SOX5: variants seen among roughly 807,000 people sequenced by gnomAD.
SOX5 encodes SRY-box transcription factor 5.
A neutral mutation model predicts 92.0 loss-of-function variants in SOX5; 9 were observed. The observed-to-expected ratio is 0.10, with a 90% CI of 0.06 to 0.17. The LOEUF (loss-of-function observed/expected upper bound fraction) is 0.17, where lower values mean the gene tolerates loss of function less well. Ranked by LOEUF, SOX5 falls within the 10% of genes least tolerant of loss-of-function variation. The pLI is 1.00. For synonymous variants in SOX5, 344 were observed against 336.3 expected (o/e 1.02, Z -0.25); for missense variants, 642 against 944.5 (o/e 0.68, Z 4.20).
At chr12:23,878,960 T>C (rs1283839010) in intron 2 of SOX5, among the ~76,000 whole-genome samples, 1 of 152,172 alleles carries the variant, frequency 6.6e-6, no homozygotes, top group Non-Finnish European at 1.5e-5. Context: ...TAGGGGGTAG[T>C]AGTGAAGTTT....
At chr12:24,011,699 G>A (rs1952959034) in intron 4 of SOX5, among the ~76,000 whole-genome samples, 1 of 152,078 alleles carries the variant, frequency 6.6e-6, no homozygotes, top group African/African-American at 2.4e-5. Flanking sequence ...GGAGACACAG[G>A]TTAACGGCGA....
intron 1 of SOX5, among the ~76,000 whole-genome samples, chr12:24,537,981 T>C (rs1454295850): frequency 6.6e-6 from 1 of 152,166 alleles, no homozygotes; most frequent in Admixed American, 6.5e-5. Flanking sequence ...TATTCTGAAG[T>C]TTTCGATGTA....
rs766043947 is a variant in SOX5, at chr12:23,895,978, C to G, written c.85G>C (p.Glu29Gln). ...PASPYGEADG[E>Q]VAMVTSRQKV... ...TGTCTGCTTGTCACCATGGCTACCT[C>G]TCCATCTGCTTCCCCATACGGAGAG... The change falls in exon 2 of 15, where the codon GAG becomes CAG. Residue 29 changes from glutamate to glutamine, a missense_variant. Around this residue, in one of 8 missense-constraint regions of SOX5, gnomAD observed 113 missense variants for 117.7 expected, o/e 0.96. Coordinates refer to ENST00000451604, the MANE Select transcript of SOX5 (RefSeq NM_006940.6). 1 of 1,614,132 alleles carries G rather than the reference C, an allele frequency of 6.2e-7. No individual in the cohort carries two copies. The highest frequency in any genetic ancestry group is 8.5e-7 in the Non-Finnish European group (1 of 1,179,992).
intron 2 of SOX5, among the ~76,000 whole-genome samples, chr12:24,281,249 A>AAC (rs1945161573): frequency 6.6e-6 from 1 of 151,742 alleles, no homozygotes; most frequent in African/African-American, 2.4e-5. Context: ...AAAAAAAAAA[A>AAC]AAAAAAAACT....
chr12:24,327,178 T>C (rs182383500), intron 2 of SOX5, among the ~76,000 whole-genome samples: 1 of 152,294 alleles, frequency 6.6e-6, no homozygotes, highest in East Asian at 1.9e-4. Context: ...TGCTCAGAAC[T>C]CATTTTCTGT....
At chr12:24,363,923 C>G (rs1955873128) in intron 2 of SOX5, among the ~76,000 whole-genome samples, 1 of 152,096 alleles carries the variant, frequency 6.6e-6, no homozygotes, top group Non-Finnish European at 1.5e-5. Context: ...TATTTCCTTC[C>G]CAGGAAAGAA....
At chr12:24,032,258 T>A (rs1955587949) in intron 4 of SOX5, among the ~76,000 whole-genome samples, 1 of 151,602 alleles carries the variant, frequency 6.6e-6, no homozygotes, top group East Asian at 1.9e-4. Context: ...AAGAATAACA[T>A]AAGCCATGGT....
At chr12:24,264,230 T>TTTG (rs1942685027) in intron 3 of SOX5, among the ~76,000 whole-genome samples, 1 of 152,216 alleles carries the variant, frequency 6.6e-6, no homozygotes, top group African/African-American at 2.4e-5. Context: ...TAGATAGATA[T>TTTG]CTTGGTATTT....
intron 6 of SOX5, among the ~76,000 whole-genome samples, chr12:23,696,862 A>G (rs370629860): frequency 6.6e-6 from 1 of 152,150 alleles, no homozygotes; most frequent in Admixed American, 6.5e-5. Context: ...GAGTTATTTT[A>G]GAGGTATTTT....
chr12:23,897,756 C>G (rs1245629114), intron 1 of SOX5, among the ~76,000 whole-genome samples: 1 of 152,074 alleles, frequency 6.6e-6, no homozygotes, highest in African/African-American at 2.4e-5. Context: ...GTAAACCGAT[C>G]AGATGTAATA....
chr12:23,822,132 C>G (rs1436348687), intron 3 of SOX5, among the ~76,000 whole-genome samples: 1 of 152,110 alleles, frequency 6.6e-6, no homozygotes, highest in Non-Finnish European at 1.5e-5. Context: ...TTCAGTTCTG[C>G]TCTGATCTTA....
chr12:23,948,004 C>T (rs974550337), intron 1 of SOX5, among the ~76,000 whole-genome samples: 15 of 152,112 alleles, frequency 9.9e-5, no homozygotes, highest in Admixed American at 3.9e-4. Context: ...TTCTAGAAAA[C>T]TTAACTGTGT....
intron 2 of SOX5, among the ~76,000 whole-genome samples, chr12:24,325,555 A>G (rs551821165): frequency 3.7e-4 from 57 of 152,196 alleles, no homozygotes; most frequent in Non-Finnish European, 6.9e-4. Context: ...CTTCCCCTCA[A>G]TGAAGAACCG....
chr12:24,415,775 C>T (rs961635750), intron 1 of SOX5, among the ~76,000 whole-genome samples: 4 of 152,282 alleles, frequency 2.6e-5, no homozygotes, highest in Non-Finnish European at 5.9e-5. Context: ...ATATCCGTAA[C>T]GTACTTTGTT....
chr12:24,438,641 C>T (rs1369325123), intron 1 of SOX5, among the ~76,000 whole-genome samples: 2 of 152,068 alleles, frequency 1.3e-5, no homozygotes, highest in African/African-American at 2.4e-5. Flanking sequence ...TTCCAATCTT[C>T]ATGGATGACT....
intron 2 of SOX5, among the ~76,000 whole-genome samples, chr12:23,872,677 T>C (rs982757819): frequency 4.6e-5 from 7 of 152,230 alleles, no homozygotes; most frequent in African/African-American, 1.4e-4. Flanking sequence ...GCAAACATAA[T>C]AACATTTAGC....
At chr12:23,761,846 C>G (rs1392615420) in intron 3 of SOX5, among the ~76,000 whole-genome samples, 1 of 152,052 alleles carries the variant, frequency 6.6e-6, no homozygotes, top group Non-Finnish European at 1.5e-5. Flanking sequence ...ACTTGATGTT[C>G]TACTCTTGGA....
At chr12:24,105,457 C>T in intron 4 of SOX5, among the ~76,000 whole-genome samples, 1 of 152,108 alleles carries the variant, frequency 6.6e-6, no homozygotes, top group East Asian at 1.9e-4. Context: ...AGGATAATCA[C>T]TTGAACTGGG....
intron 4 of SOX5, among the ~76,000 whole-genome samples, chr12:24,001,042 A>G (rs534326826): frequency 6.6e-6 from 1 of 152,178 alleles, no homozygotes; most frequent in Non-Finnish European, 1.5e-5. Context: ...CCATAAAAAA[A>G]GTTTTCATGA....
Sources: gnomAD v4.1 joint callset for allele counts (sites outside exome capture counted in the v4.1 genomes callset) on GRCh38, gnomAD v4.1.1 for gene constraint, gnomAD v4.1.1 regional missense constraint, MANE v1.5 for transcripts, NCBI Gene and HGNC (gene_info 2026-07-23, HGNC 2026-07-21) for gene names.